The following KLF17 variants were observed in gnomAD, a reference collection of about 807,000 sequenced individuals.
KLF17 encodes the protein Krueppel-like factor 17.
KLF17 carries 31 observed loss-of-function variants against 34.2 expected under a neutral mutation model. The ratio of observed to expected loss-of-function variants is 0.91; its 90% CI spans 0.68 to 1.22. The LOEUF (loss-of-function observed/expected upper bound fraction) is 1.22, where lower values mean the gene tolerates loss of function less well. Among genes scored for constraint, KLF17 ranks in the 50% most tolerant of loss-of-function variants. KLF17 has a pLI of 0.00. For missense variants in KLF17, 478 were observed against 505.2 expected (o/e 0.95, Z 0.52); for synonymous variants, 179 against 186.7 (o/e 0.96, Z 0.34).
chr1:44,072,143 GGA>G, the KLF17 span, among the ~76,000 whole-genome samples: 1 of 151,688 alleles, frequency 6.6e-6, no homozygotes, highest in Non-Finnish European at 1.5e-5. Context: ...GGGTGTGTGG[GGA>G]GAGAAAAAAG....
At chr1:44,098,608 T>A in the KLF17 span, among the ~76,000 whole-genome samples, 1 of 146,814 alleles carries the variant, frequency 6.8e-6, no homozygotes, top group Non-Finnish European at 1.5e-5. Context: ...TGGAGTGCAG[T>A]GGCACGATCT....
chr1:44,118,840 C>T lies in KLF17; in HGVS notation c.-68C>T, dbSNP rs555957683. ...TGTGGCGTGGCGATGTACCGATACC[C>T]GCCTGCGACGCCGTGGTGGCTGGTT... is the stretch of plus-strand genomic sequence containing the variant. On this transcript the variant is annotated 5_prime_UTR_variant, in exon 1 of 4. Transcript: ENST00000372299. The T allele has an allele frequency of 6.9e-5, 87 of 1,254,260 alleles. No individual in the cohort carries two copies. The African/African-American group carries it at 1.2e-3, about 17-fold the overall frequency. 77.7% of individuals were successfully genotyped at this position (1,254,260 alleles called of 1,614,324 possible). A position where few individuals can be genotyped will look rare whatever the true frequency, so the allele number is the denominator to read the frequency against.
At position 44,130,199 on chromosome 1, in the gene KLF17, G is replaced by A; in HGVS notation, c.925+3G>A. The A allele has an allele frequency of 1.2e-6, 2 of 1,604,148 alleles. No individual in the cohort carries two copies. Among genetic ancestry groups the A allele is most frequent in the East Asian group, 2.2e-5 (1 of 44,778 alleles). ...GAGCCACCAGCGCAAGCACACAGGT[G>A]AAGGAGGTGTCAGGTGGGGTGGGGA... On this transcript the variant is annotated splice_donor_region_variant and intron_variant, in intron 2 of 3. Coordinates refer to ENST00000372299, the MANE Select transcript of KLF17 (RefSeq NM_173484.4).
At chr1:44,132,387 T>G (rs528451343) in intron 3 of KLF17, among the ~76,000 whole-genome samples, 23 of 152,038 alleles carry the variant, frequency 1.5e-4, no homozygotes, top group Non-Finnish European at 2.6e-4. Flanking sequence ...TCCCCTGCCT[T>G]TCATAAATTG....
At chr1:44,056,869 A>G in the KLF17 span, among the ~76,000 whole-genome samples, 4 of 152,116 alleles carry the variant, frequency 2.6e-5, no homozygotes, top group African/African-American at 9.6e-5. Context: ...AAGGACACCA[A>G]TGGCTAACAG....
At chr1:44,101,349 T>C in the KLF17 span, among the ~76,000 whole-genome samples, 1 of 152,228 alleles carries the variant, frequency 6.6e-6, no homozygotes, top group Non-Finnish European at 1.5e-5. Context: ...TAACATTCAT[T>C]ATAGGCAAAG....
the KLF17 span, among the ~76,000 whole-genome samples, chr1:44,102,614 A>ACACACG: frequency 6.1e-4 from 77 of 125,834 alleles, no homozygotes; most frequent in Non-Finnish European, 1.1e-3. Context: ...ACACACACAC[A>ACACACG]GAAAAGAAAA....
In KLF17 at chr1:44,129,583, G is replaced by C. The variant is rs746979387; in HGVS notation, c.312G>C (p.Ala104=). 6.2e-7 allele frequency: 1 copy of C among 1,614,134 alleles called. No individual in the cohort carries two copies. The highest frequency in any genetic ancestry group is 8.5e-7 in the Non-Finnish European group (1 of 1,180,028). ...GTGGTATGAGCTACTGCCCCCAAGC[G>C]ACTCTCACTCCTTCCCGGATGATTT... The part of the protein sequence containing the change: ...PERGMSYCPQ[A]TLTPSRMIYC... Residue 104 remains alanine (A), a synonymous_variant, in exon 2 of 4, where the codon GCG becomes GCC. Transcript: ENST00000372299.
the KLF17 span, among the ~76,000 whole-genome samples, chr1:44,109,630 T>C: frequency 6.6e-6 from 1 of 152,310 alleles, no homozygotes; most frequent in South Asian, 2.1e-4. Flanking sequence ...TTTGTTTTCT[T>C]ATGGAGAAAA....
the KLF17 span, among the ~76,000 whole-genome samples, chr1:44,056,212 T>C: frequency 6.6e-5 from 10 of 152,162 alleles, no homozygotes; most frequent in Non-Finnish European, 1.5e-4. Context: ...GACCTATTAC[T>C]CTCCAGCCTC....
the KLF17 span, among the ~76,000 whole-genome samples, chr1:44,079,968 G>A: frequency 6.7e-5 from 10 of 149,464 alleles, no homozygotes; most frequent in Admixed American, 2.7e-4. Context: ...TCACTCTGTC[G>A]CCCAGGCTGG....
At chr1:44,083,185 C>G in the KLF17 span, among the ~76,000 whole-genome samples, 1 of 151,722 alleles carries the variant, frequency 6.6e-6, no homozygotes. Flanking sequence ...TGGGCTCAAG[C>G]AAGCCTTCTG....
At chr1:44,047,745 G>A in the KLF17 span, among the ~76,000 whole-genome samples, 2 of 152,090 alleles carry the variant, frequency 1.3e-5, no homozygotes, top group Admixed American at 6.5e-5. Flanking sequence ...TAGGTGCCTG[G>A]TACAAGGAAT....
the KLF17 span, among the ~76,000 whole-genome samples, chr1:44,095,525 T>C: frequency 6.6e-6 from 1 of 152,118 alleles, no homozygotes; most frequent in East Asian, 1.9e-4. Flanking sequence ...TTTTATATCT[T>C]TTTTTTAATC....
intron 3 of KLF17, 50 bp downstream of exon 3, chr1:44,130,806 T>C (rs1306101647): frequency 1.9e-6 from 3 of 1,592,628 alleles, no homozygotes; most frequent in Non-Finnish European, 1.7e-6. Flanking sequence ...TTTTCCTTTT[T>C]ATTTTTTTGA....
chr1:44,124,643 C>T lies in KLF17; in HGVS notation c.82-4710C>T, dbSNP rs571230391. 5.3e-5 allele frequency among the ~76,000 whole-genome samples: 8 copies of T among 152,094 alleles called. No individual in the cohort carries two copies. The East Asian group carries it at 7.7e-4, about 15-fold the overall frequency. ...CCGAGTAGGTGGGACTACAGGCGCC[C>T]GCCACCTCGCCCGGCTAATTTTTTG... is the stretch of plus-strand genomic sequence containing the variant. On this transcript the variant is annotated intron_variant, in intron 1 of 3. Transcript: ENST00000372299.
the KLF17 span, among the ~76,000 whole-genome samples, chr1:44,065,405 G>GTTTTTTT: frequency 8.4e-6 from 1 of 119,018 alleles, no homozygotes; most frequent in Non-Finnish European, 1.7e-5. Flanking sequence ...ATAATCCTTG[G>GTTTTTTT]TTTTTTTTTT....
chr1:44,072,751 C>T, the KLF17 span, among the ~76,000 whole-genome samples: 10 of 151,936 alleles, frequency 6.6e-5, no homozygotes, highest in Non-Finnish European at 8.8e-5. Context: ...ATAGTAGATG[C>T]GGGCACCAAG....
At chr1:44,110,690 A>G in the KLF17 span, 1 of 152,156 alleles carries the variant, frequency 6.6e-6, no homozygotes, top group South Asian at 2.1e-4. Flanking sequence ...GCGAAACTCC[A>G]TCTCGAAATA....
Sources: allele counts gnomAD v4.1 joint callset (sites outside exome capture counted in the v4.1 genomes callset), GRCh38; gene constraint gnomAD v4.1.1; transcripts MANE v1.5; gene names NCBI Gene and HGNC (gene_info 2026-07-23, HGNC 2026-07-21).